The following ABCC4 variants were observed in gnomAD, a reference collection of about 807,000 sequenced individuals.
ABCC4 encodes the protein ATP-binding cassette sub-family C member 4.
Under a neutral mutation model 168.5 loss-of-function variants are expected in ABCC4, and 102 were observed. That is an observed-to-expected ratio of 0.61 (90% confidence interval 0.52 to 0.71). The LOEUF is 0.71. ABCC4 is among the 30% of genes least tolerant of loss of function. The pLI is 0.00. For missense variants in ABCC4, 1,402 were observed against 1,605.8 expected, an observed-to-expected ratio of 0.87 and a Z score of 2.17; for synonymous variants, 617 against 590.7, an observed-to-expected ratio of 1.04 and a Z score of -0.65.
rs1257777451 is a variant in ABCC4 at position 95,073,247 on chromosome 13, A to G, written c.2975T>C (p.Met992Thr). 1 of 1,614,016 alleles carries G rather than the reference A, an allele frequency of 6.2e-7. No homozygotes were observed. Residue 992 changes from methionine (M) to threonine (T), a missense_variant, in exon 24 of 31, where the codon ATG becomes ACG. This residue lies in a region of ABCC4 where 1,007 missense variants were observed against 1,127.3 expected (regional missense o/e 0.89). Transcript: ENST00000645237. ...ACTTTGTCGAACACACCACTGAAAC[A>G]TCCCCATGAGCGTGAGGGCATAGGA... is the stretch of plus-strand genomic sequence containing the variant. The part of the protein sequence containing the change: ...ALSYALTLMG[M>T]FQWCVRQSAE...
intron 27 of ABCC4, among the ~76,000 whole-genome samples, chr13:95,048,404 A>G (rs2032685947): frequency 6.6e-6 from 1 of 151,612 alleles, no homozygotes; most frequent in Non-Finnish European, 1.5e-5. Context: ...AGCCTCAAAG[A>G]GACTCATGTG....
intron 1 of ABCC4, among the ~76,000 whole-genome samples, chr13:95,276,374 C>T (rs1358320458): frequency 4.1e-5 from 6 of 147,464 alleles, no homozygotes; most frequent in African/African-American, 1.5e-4. Context: ...ATGATCTCAC[C>T]ACTGCACTCG....
At chr13:95,109,684 TAGG>T (rs2035135871) in intron 20 of ABCC4, among the ~76,000 whole-genome samples, 3 of 152,338 alleles carry the variant, frequency 2.0e-5, no homozygotes, top group Admixed American at 1.3e-4. Context: ...GTGAAAGAGC[TAGG>T]ATTGGAAATT....
In ABCC4 at chr13:95,034,751, CA is replaced by C. The variant is rs1555303021; in HGVS notation, c.3736-13del. 16 of 1,613,492 alleles carry C rather than the reference CA, an allele frequency of 9.9e-6. No individual in the cohort carries two copies. The highest frequency in any genetic ancestry group is 1.4e-5 in the Non-Finnish European group (16 of 1,179,938). ...CCTGAATCTAAAACCTGTTAATCAG[CA>C]GAAAGAAACCCATTGAAACACAATG... On this transcript the variant is annotated splice_polypyrimidine_tract_variant and intron_variant, in intron 29 of 30. Transcript: ENST00000645237.
Position 95,122,185 on chromosome 13 carries a change from C to T in ABCC4, c.2456-6184G>A, listed in dbSNP as rs2139427564. Among the ~76,000 whole-genome samples the T allele has an allele frequency of 1.3e-5, 2 of 152,266 alleles. 1 individual carries two copies. The highest frequency in any genetic ancestry group is 2.9e-5 in the Non-Finnish European group (2 of 68,022). ...TTTCTGATTCTCTTCTCGAACTTTGCTCACTTTCATTTCAAAGATTTCCTG... is the reference window on the plus strand; with the variant it reads ...TTTCTGATTCTCTTCTCGAACTTTGTTCACTTTCATTTCAAAGATTTCCTG... On this transcript the variant is annotated intron_variant, in intron 19 of 30. Transcript: ENST00000645237.
At chr13:95,033,185 T>G (rs2031963376) in intron 30 of ABCC4, among the ~76,000 whole-genome samples, 1 of 152,152 alleles carries the variant, frequency 6.6e-6, no homozygotes, top group Admixed American at 6.5e-5. Context: ...GGCCCCTATT[T>G]TCTTATTCTG....
At chr13:95,179,289 G>GA (rs1205465797) in intron 11 of ABCC4, among the ~76,000 whole-genome samples, 2 of 151,548 alleles carry the variant, frequency 1.3e-5, no homozygotes, top group South Asian at 2.1e-4. Flanking sequence ...TAGACTGACA[G>GA]AAAAAAAACT....
chr13:95,077,034 C>T lies in ABCC4; in HGVS notation c.2687-1483G>A, dbSNP rs2033929901. On this transcript the variant is annotated intron_variant, in intron 21 of 30. Transcript: ENST00000645237. ...CCATTTCCAGCAGGCCACTGTGTTT[C>T]AAGCACACCATTTGATGACTACCAG... 2.0e-5 allele frequency among the ~76,000 whole-genome samples: 3 copies of T among 152,142 alleles called. No individual in the cohort carries two copies. The South Asian group carries it at 6.2e-4, about 32-fold the overall frequency.
rs7995253 is a variant in ABCC4, at chr13:95,049,340, T to A, written c.3456+3755A>T. On this transcript the variant is annotated intron_variant, in intron 27 of 30. Transcript: ENST00000645237. ...CAGAGCAAGACTCTGTCTAAAAAAATAAATAAATAAATAAAAATAGGCCAG... is the reference window on the plus strand; with the variant it reads ...CAGAGCAAGACTCTGTCTAAAAAAAAAAATAAATAAATAAAAATAGGCCAG... Among the ~76,000 whole-genome samples the A allele has an allele frequency of 9.9e-5, 14 of 141,112 alleles. 1 individual carries two copies. The highest frequency in any genetic ancestry group is 3.2e-4 in the African/African-American group (12 of 37,572). The allele number at this position is 141,112 out of a possible 152,430, so 92.6% of individuals were successfully genotyped here.
In ABCC4 at chr13:95,052,501, A is replaced by C. The variant is rs1282954594; in HGVS notation, c.3456+594T>G. ...AAATTTCAAGAAGTGGCCCAACAGG[A>C]ACCACATAAATAATAGAAAAATCCT... On this transcript the variant is annotated intron_variant, in intron 27 of 30. Transcript: ENST00000645237. Among the ~76,000 whole-genome samples, 3 of 152,226 alleles carry C rather than the reference A, an allele frequency of 2.0e-5. No individual in the cohort carries two copies. The East Asian group carries it at 5.8e-4, about 29-fold the overall frequency.
Position 95,083,196 on chromosome 13 carries a change from A to G in ABCC4, c.2630T>C (p.Phe877Ser), listed in dbSNP as rs147486099. ...PLVPLGIIFI[F>S]LRRYFLETSR... is the part of the protein sequence containing the mutation. ...CGTTTCCAAAAAATATCGCCGAAGA[A>G]AAATGAAAATGATTCCAAGGGGAAC... is the stretch of plus-strand genomic sequence containing the variant. Residue 877 changes from phenylalanine (F) to serine (S), a missense_variant, in exon 21 of 31, where the codon TTT becomes TCT. Physicochemically the swap from Phe to Ser is radical, Grantham distance 155 (BLOSUM62 -2). Coordinates refer to ENST00000645237, the MANE Select transcript of ABCC4 (RefSeq NM_005845.5). 5.7e-5 allele frequency: 92 copies of G among 1,614,024 alleles called. No individual in the cohort carries two copies. In the African/African-American group the frequency reaches 8.3e-4, roughly 15 times the overall value.
At chr13:95,177,005 A>G (rs1359488875) in intron 13 of ABCC4, among the ~76,000 whole-genome samples, 1 of 152,168 alleles carries the variant, frequency 6.6e-6, no homozygotes, top group Non-Finnish European at 1.5e-5. Context: ...TCCCAGAAAC[A>G]CCACGTAAGA....
chr13:95,049,232 G>A (rs774040322), intron 27 of ABCC4, among the ~76,000 whole-genome samples: 3 of 152,134 alleles, frequency 2.0e-5, no homozygotes, highest in Non-Finnish European at 2.9e-5. Flanking sequence ...TACCTGGGAG[G>A]CTGAGGCAGG....
intron 12 of ABCC4, 56 bp downstream of exon 12, chr13:95,177,941 C>A: frequency 6.4e-7 from 1 of 1,574,710 alleles, no homozygotes; most frequent in Non-Finnish European, 8.7e-7. Context: ...ATGTGCTCAC[C>A]ACCACTGGAA....
At chr13:95,177,861 C>A in intron 12 of ABCC4, 68 bp from the exon 13 acceptor site, 1 of 1,514,574 alleles carries the variant, frequency 6.6e-7, no homozygotes, top group South Asian at 1.2e-5. Flanking sequence ...CTGGGATGTT[C>A]ATTCAAATGC....
chr13:95,203,504 T>C (rs935378400), intron 8 of ABCC4, among the ~76,000 whole-genome samples: 41 of 151,934 alleles, frequency 2.7e-4, no homozygotes, highest in African/African-American at 9.0e-4. Context: ...ATTACAGGCA[T>C]GTACCACCAT....
intron 19 of ABCC4, among the ~76,000 whole-genome samples, chr13:95,131,791 A>G (rs898128981): frequency 7.2e-5 from 11 of 152,216 alleles, no homozygotes; most frequent in Admixed American, 7.2e-4. Flanking sequence ...ATAAAACCAG[A>G]AAATACCAAG....
chr13:95,196,639 A>AG lies in ABCC4; in HGVS notation c.1162-1703dup, dbSNP rs1446300411. Reference sequence around the variant, plus strand: ...AAGGAAGGAAGGAAGGAAGGAAGGAAGGAAGGAAGGAAGGAAGGAAGGAAG... The same window carrying AG: ...AAGGAAGGAAGGAAGGAAGGAAGGAAGGGAAGGAAGGAAGGAAGGAAGGAAG... On this transcript the variant is annotated intron_variant, in intron 8 of 30. Transcript: ENST00000645237. Among the ~76,000 whole-genome samples, 14 of 9,630 alleles carry AG rather than the reference A, an allele frequency of 1.5e-3. 2 individuals carry two copies. Among genetic ancestry groups the AG allele is most frequent in the Non-Finnish European group, 3.3e-3 (14 of 4,306 alleles). The allele number at this position is 9,630 out of a possible 152,430, so 6.3% of individuals were successfully genotyped here.
chr13:95,275,132 G>A (rs9524873), intron 1 of ABCC4, among the ~76,000 whole-genome samples: 58,935 of 152,044 alleles, frequency 0.39, 12,246 homozygotes, highest in Non-Finnish European at 0.47. Flanking sequence ...AACCTCCACA[G>A]GAACATTCTG....
Sources: allele counts gnomAD v4.1 joint callset (sites outside exome capture counted in the v4.1 genomes callset), GRCh38; gene constraint gnomAD v4.1.1; regional missense constraint gnomAD v4.1.1; transcripts MANE v1.5; gene names NCBI Gene and HGNC (gene_info 2026-07-23, HGNC 2026-07-21).